The following SPIRE1 variants were observed in gnomAD, a reference collection of about 807,000 sequenced individuals.
The protein encoded by SPIRE1 is spire type actin nucleation factor 1.
Under a neutral mutation model 94.1 loss-of-function variants are expected in SPIRE1, and 40 were observed. That is an observed-to-expected ratio of 0.43 (90% CI 0.33 to 0.55). SPIRE1 has a LOEUF of 0.55. Among genes scored for constraint, SPIRE1 ranks in the 20% least tolerant of loss-of-function variants. SPIRE1 has a pLI of 0.06. For synonymous variants in SPIRE1, 376 were observed against 371.7 expected (o/e 1.01, Z -0.13); for missense variants, 838 against 975.2 (o/e 0.86, Z 1.87).
At chr18:12,500,849 G>A (rs2033631394) in intron 6 of SPIRE1, among the ~76,000 whole-genome samples, 1 of 152,130 alleles carries the variant, frequency 6.6e-6, no homozygotes, top group African/African-American at 2.4e-5. Flanking sequence ...AAGGAGGGCA[G>A]ATCACCTGAG....
At chr18:12,614,850 T>C (rs751221982) in intron 2 of SPIRE1, among the ~76,000 whole-genome samples, 3 of 151,270 alleles carry the variant, frequency 2.0e-5, no homozygotes, top group African/African-American at 4.9e-5. Context: ...CTAAATAAAA[T>C]CTCTGTATTA....
intron 1 of SPIRE1, among the ~76,000 whole-genome samples, chr18:12,643,043 A>C (rs559734099): frequency 2.0e-5 from 3 of 152,316 alleles, no homozygotes; most frequent in Admixed American, 6.5e-5. Flanking sequence ...TACAAAACTC[A>C]TTACAAAAAG....
chr18:12,658,555 C>T (rs993306595), upstream of SPIRE1: 1 of 470,658 alleles, frequency 2.1e-6, no homozygotes, highest in Non-Finnish European at 4.4e-6. Flanking sequence ...GAGAAGTCAC[C>T]CGCATTGACG....
chr18:12,596,565 A>C (rs2036676707), intron 2 of SPIRE1, among the ~76,000 whole-genome samples: 2 of 152,198 alleles, frequency 1.3e-5, no homozygotes, highest in Admixed American at 1.3e-4. Context: ...AAGTAATTGT[A>C]ATTACCCACA....
chr18:12,557,389 A>G (rs1411262672), intron 2 of SPIRE1, among the ~76,000 whole-genome samples: 1 of 152,174 alleles, frequency 6.6e-6, no homozygotes, highest in Non-Finnish European at 1.5e-5. Context: ...CTGCTGGCCC[A>G]GGTGCTAAGC....
At chr18:12,468,137 A>G (rs1236357391) in intron 10 of SPIRE1, among the ~76,000 whole-genome samples, 2 of 152,226 alleles carry the variant, frequency 1.3e-5, no homozygotes, top group African/African-American at 4.8e-5. Flanking sequence ...AAGTGGCTCT[A>G]TAAATAAGCA....
chr18:12,641,470 G>A (rs1376335950), intron 1 of SPIRE1, among the ~76,000 whole-genome samples: 1 of 151,684 alleles, frequency 6.6e-6, no homozygotes, highest in African/African-American at 2.4e-5. Flanking sequence ...CAGGGTTCAA[G>A]CGATTCTCCT....
intron 2 of SPIRE1, among the ~76,000 whole-genome samples, chr18:12,604,679 A>G (rs1318231430): frequency 6.6e-6 from 1 of 152,190 alleles, no homozygotes. Flanking sequence ...CATTAGAAAC[A>G]TGGCAGAAAA....
chr18:12,457,533 G>A (rs1057231404), intron 12 of SPIRE1, among the ~76,000 whole-genome samples: 11 of 152,140 alleles, frequency 7.2e-5, no homozygotes, highest in Non-Finnish European at 1.0e-4. Context: ...AGATGTGGCC[G>A]GGTAAAGAAC....
intron 2 of SPIRE1, among the ~76,000 whole-genome samples, chr18:12,606,827 G>T (rs1024507705): frequency 6.6e-6 from 1 of 152,050 alleles, no homozygotes; most frequent in East Asian, 1.9e-4. Flanking sequence ...CATCGCACGG[G>T]GCCAGATTTT....
chr18:12,543,937 G>A (rs2035080427), intron 3 of SPIRE1, among the ~76,000 whole-genome samples: 2 of 152,250 alleles, frequency 1.3e-5, no homozygotes, highest in South Asian at 4.1e-4. Flanking sequence ...ACACGATGAG[G>A]AATCATGGGT....
chr18:12,459,851 GAGCAGA>G (rs2031699479), intron 12 of SPIRE1: 1 of 985,794 alleles, frequency 1.0e-6, no homozygotes, highest in Non-Finnish European at 1.2e-6. Flanking sequence ...GATGAGAGCT[GAGCAGA>G]GAAGCTGTTT....
chr18:12,554,203 G>A (rs182721083), intron 2 of SPIRE1, among the ~76,000 whole-genome samples: 7 of 149,840 alleles, frequency 4.7e-5, no homozygotes, highest in East Asian at 2.0e-4. Flanking sequence ...GGAGGCTGAC[G>A]CACAGAATTG....
chr18:12,581,678 A>G (rs900420967), intron 2 of SPIRE1, among the ~76,000 whole-genome samples: 4 of 152,158 alleles, frequency 2.6e-5, no homozygotes, highest in African/African-American at 9.7e-5. Flanking sequence ...AGCCTGGCCA[A>G]TGTGGCAAAA....
At chr18:12,633,408 C>T (rs1406102366) in intron 2 of SPIRE1, among the ~76,000 whole-genome samples, 1 of 152,000 alleles carries the variant, frequency 6.6e-6, no homozygotes, top group Non-Finnish European at 1.5e-5. Context: ...AAAACCCCGT[C>T]TTCACTAAAA....
intron 2 of SPIRE1, among the ~76,000 whole-genome samples, chr18:12,617,582 T>G (rs1048311360): frequency 6.6e-6 from 1 of 152,162 alleles, no homozygotes; most frequent in Non-Finnish European, 1.5e-5. Flanking sequence ...GGCTAATGTT[T>G]GTATTTTTAG....
intron 9 of SPIRE1, 149 bp from the exon 10 acceptor site, chr18:12,480,020 G>T: frequency 1.8e-6 from 1 of 560,538 alleles, no homozygotes; most frequent in Non-Finnish European, 3.0e-6. Context: ...CTTCTGGTTG[G>T]ATATTAACTG....
At chr18:12,471,469 A>G (rs956496342) in intron 10 of SPIRE1, among the ~76,000 whole-genome samples, 5 of 150,466 alleles carry the variant, frequency 3.3e-5, no homozygotes, top group Admixed American at 6.6e-5. Flanking sequence ...GATTACAACC[A>G]TGCACCACCA....
At chr18:12,455,289 T>TG (rs2031458177) in intron 12 of SPIRE1, among the ~76,000 whole-genome samples, 2 of 152,094 alleles carry the variant, frequency 1.3e-5, no homozygotes, top group South Asian at 4.2e-4. Flanking sequence ...CAAAAGAAGA[T>TG]GGTTAGTAAT....
Sources: gnomAD v4.1 joint callset for allele counts (sites outside exome capture counted in the v4.1 genomes callset) on GRCh38, gnomAD v4.1.1 for gene constraint, MANE v1.5 for transcripts, NCBI Gene and HGNC (gene_info 2026-07-23, HGNC 2026-07-21) for gene names.